The following MFAP3 variants were observed in gnomAD, a reference collection of about 807,000 sequenced individuals.
MFAP3 encodes the protein microfibril associated protein 3.
A neutral mutation model predicts 20.5 loss-of-function variants in MFAP3; 8 were observed. The ratio of observed to expected loss-of-function variants is 0.39; its 90% CI spans 0.23 to 0.70. MFAP3 has a LOEUF of 0.70. Among genes scored for constraint, MFAP3 ranks in the 30% least tolerant of loss-of-function variants. MFAP3 has a pLI of 0.44. For synonymous variants in MFAP3, 140 were observed against 154.0 expected (o/e 0.91, Z 0.67); for missense variants, 398 against 444.6 (o/e 0.90, Z 0.94).
chr5:154,043,480 G>T (rs1334809798), intron 1 of MFAP3, among the ~76,000 whole-genome samples: 3 of 150,958 alleles, frequency 2.0e-5, no homozygotes, highest in Non-Finnish European at 4.4e-5. Context: ...GAACCTGGGG[G>T]GTGGAGGTTG....
chr5:154,053,016 G>A lies in MFAP3; in HGVS notation c.392G>A (p.Arg131His), dbSNP rs138191339. Residue 131 changes from arginine (R) to histidine (H), a missense_variant, in exon 3 of 3, where the codon CGT becomes CAT. Physicochemically the swap from Arg to His is conservative, Grantham distance 29 (BLOSUM62 0). Transcript: ENST00000522782. ...LYTCFVTSPI[R>H]ASYSVTLRVI... ...ACCTGTTTCGTCACCTCTCCAATTC[G>A]TGCCTCCTACTCTGTCACCCTACGT... The A allele has an allele frequency of 8.1e-6, 13 of 1,613,480 alleles. No homozygotes were observed. The highest frequency in any genetic ancestry group is 6.7e-5 in the African/African-American group (5 of 74,776).
chr5:154,051,857 G>A (rs1773198928), intron 2 of MFAP3: 1 of 152,120 alleles, frequency 6.6e-6, no homozygotes, highest in South Asian at 2.1e-4. Context: ...TTTGAAGATT[G>A]GGCACTCAAG....
chr5:154,052,045 T>G (rs1456826096), intron 2 of MFAP3: 1 of 152,158 alleles, frequency 6.6e-6, no homozygotes. Flanking sequence ...AGAGCCAAGT[T>G]ATTGAAGGAT....
chr5:154,048,119 G>C (rs530951622), intron 1 of MFAP3, among the ~76,000 whole-genome samples: 2 of 152,054 alleles, frequency 1.3e-5, no homozygotes, highest in Non-Finnish European at 2.9e-5. Flanking sequence ...GTAGCATGTC[G>C]TAAGAAGCAA....
chr5:154,047,673 AT>A (rs1427261838), intron 1 of MFAP3, among the ~76,000 whole-genome samples: 1 of 152,240 alleles, frequency 6.6e-6, no homozygotes, highest in Admixed American at 6.5e-5. Flanking sequence ...TCCTTTTTAA[AT>A]AAATGTGAAA....
intron 1 of MFAP3, among the ~76,000 whole-genome samples, chr5:154,048,393 G>C (rs1773110687): frequency 6.6e-6 from 1 of 152,040 alleles, no homozygotes; most frequent in Admixed American, 6.6e-5. Context: ...AATGACATTT[G>C]CACCGTATTG....
At chr5:154,050,213 G>C (rs1475297443) in intron 2 of MFAP3, among the ~76,000 whole-genome samples, 196 bp downstream of exon 2, 1 of 152,060 alleles carries the variant, frequency 6.6e-6, no homozygotes, top group Non-Finnish European at 1.5e-5. Context: ...AGAAAAAAAA[G>C]AATCATTCTA....
intron 1 of MFAP3, among the ~76,000 whole-genome samples, chr5:154,043,548 T>TCACACACACACACA (rs145579460): frequency 6.7e-6 from 1 of 149,232 alleles, no homozygotes; most frequent in Non-Finnish European, 1.5e-5. Flanking sequence ...CGAAACTCCG[T>TCACACACACACACA]CACACACACA....
chr5:154,046,024 TC>T (rs1158643030), intron 1 of MFAP3, among the ~76,000 whole-genome samples: 7 of 152,156 alleles, frequency 4.6e-5, no homozygotes, highest in African/African-American at 1.7e-4. Flanking sequence ...AGTCATAAAT[TC>T]CAAGGCGCAA....
intron 1 of MFAP3, among the ~76,000 whole-genome samples, chr5:154,047,087 CCT>C (rs1309836816): frequency 1.3e-5 from 2 of 152,026 alleles, no homozygotes; most frequent in African/African-American, 4.8e-5. Context: ...CTCATTTTTC[CCT>C]GTCTCCTGGC....
chr5:154,050,166 G>A, intron 2 of MFAP3, 149 bp downstream of exon 2: 1 of 651,216 alleles, frequency 1.5e-6, no homozygotes, highest in Non-Finnish European at 2.3e-6. Flanking sequence ...GTACCTATCA[G>A]AAAATGCAAA....
chr5:154,048,722 G>A (rs563944655), intron 1 of MFAP3, among the ~76,000 whole-genome samples: 11 of 152,236 alleles, frequency 7.2e-5, no homozygotes, highest in African/African-American at 2.4e-4. Flanking sequence ...TTTTAAATGT[G>A]TCTAACAATC....
chr5:154,040,952 G>A (rs1034581564), intron 1 of MFAP3, among the ~76,000 whole-genome samples: 1 of 152,178 alleles, frequency 6.6e-6, no homozygotes, highest in African/African-American at 2.4e-5. Flanking sequence ...AAGTCGATGA[G>A]TGTCTGAACT....
At chr5:154,051,283 A>T (rs1271942683) in intron 2 of MFAP3, among the ~76,000 whole-genome samples, 2 of 152,212 alleles carry the variant, frequency 1.3e-5, no homozygotes, top group Non-Finnish European at 2.9e-5. Context: ...TTATTCATTC[A>T]GTGTCATCAC....
Position 154,056,387 on chromosome 5 carries a change from T to TA in MFAP3, c.*2675dup, listed in dbSNP as rs960511220. ...TTTTCAAGAGGAAGAAAACCACACTTACTAATGTTTTCTGTATCTAATCAA... is the reference window on the plus strand; with the variant it reads ...TTTTCAAGAGGAAGAAAACCACACTTAACTAATGTTTTCTGTATCTAATCAA... On this transcript the variant is annotated 3_prime_UTR_variant, in exon 3 of 3. Transcript: ENST00000522782. 6.6e-6 allele frequency among the ~76,000 whole-genome samples: 1 copy of TA among 152,228 alleles called. No homozygotes were observed. The highest frequency in any genetic ancestry group is 1.5e-5 in the Non-Finnish European group (1 of 68,034).
chr5:154,048,000 A>G (rs866421083), intron 1 of MFAP3, among the ~76,000 whole-genome samples: 1 of 152,224 alleles, frequency 6.6e-6, no homozygotes. Flanking sequence ...CCCCTAGCAC[A>G]GTGCTTGGCT....
chr5:154,050,934 T>G (rs1480271231), intron 2 of MFAP3, among the ~76,000 whole-genome samples: 2 of 152,048 alleles, frequency 1.3e-5, no homozygotes, highest in African/African-American at 4.8e-5. Context: ...TTTCAGAAAT[T>G]TTTTTGTTAG....
In MFAP3 at chr5:154,049,740, C is replaced by T; in HGVS notation, c.18C>T (p.Cys6=). The T allele has an allele frequency of 1.9e-6, 3 of 1,613,088 alleles. No homozygotes were observed. The highest frequency in any genetic ancestry group is 2.5e-6 in the Non-Finnish European group (3 of 1,179,328). The change falls in exon 2 of 3, where the codon TGC becomes TGT. Residue 6 remains cysteine (C), a synonymous_variant. Transcript: ENST00000522782. MKLHC[C]LFTLVASIIV... is the part of the protein sequence containing the mutation. ...ATTTTCCCATGAAGCTACATTGTTG[C>T]TTATTCACTTTAGTGGCAAGTATTA...
In MFAP3 at chr5:154,056,940, C is replaced by G. The variant is rs919155834; in HGVS notation, c.*3227C>G. Among the ~76,000 whole-genome samples, 2 of 152,212 alleles carry G rather than the reference C, an allele frequency of 1.3e-5. No individual in the cohort carries two copies. The highest frequency in any genetic ancestry group is 2.4e-5 in the African/African-American group (1 of 41,456). ...GACTCCTGGCTTCTTTCTTGCCTCA[C>G]TTAACAAATATTTTAAGGTCAAAGC... is the stretch of plus-strand genomic sequence containing the variant. On this transcript the variant is annotated 3_prime_UTR_variant, in exon 3 of 3. Coordinates refer to ENST00000522782, the MANE Select transcript of MFAP3 (RefSeq NM_005927.5).
Sources: gnomAD v4.1 joint callset for allele counts (sites outside exome capture counted in the v4.1 genomes callset) on GRCh38, gnomAD v4.1.1 for gene constraint, MANE v1.5 for transcripts, NCBI Gene and HGNC (gene_info 2026-07-23, HGNC 2026-07-21) for gene names.